The following ITFG1 variants were observed in gnomAD, a reference collection of about 807,000 sequenced individuals.
The protein encoded by ITFG1 is T-cell immunomodulatory protein.
Under a neutral mutation model 81.8 loss-of-function variants are expected in ITFG1, and 34 were observed. The ratio of observed to expected loss-of-function variants is 0.42; its 90% CI spans 0.32 to 0.55. ITFG1 has a LOEUF of 0.55. Ranked by LOEUF, ITFG1 falls within the 20% of genes least tolerant of loss-of-function variation. ITFG1 has a pLI of 0.17. For missense variants in ITFG1, 672 were observed against 755.4 expected, an observed-to-expected ratio of 0.89 and a Z score of 1.29; for synonymous variants, 285 against 270.6, an observed-to-expected ratio of 1.05 and a Z score of -0.52.
chr16:47,370,659 G>C (rs1596937195), intron 7 of ITFG1, among the ~76,000 whole-genome samples: 1 of 152,206 alleles, frequency 6.6e-6, no homozygotes, highest in Non-Finnish European at 1.5e-5. Flanking sequence ...CTTGCATGGA[G>C]TTGGCGCCTG....
intron 8 of ITFG1, among the ~76,000 whole-genome samples, chr16:47,331,582 T>C (rs1022114481): frequency 1.3e-5 from 2 of 152,212 alleles, no homozygotes; most frequent in African/African-American, 4.8e-5. Context: ...TAACTTCTGC[T>C]TATACTCTTC....
intron 14 of ITFG1, among the ~76,000 whole-genome samples, chr16:47,209,133 T>C (rs1028498893): frequency 2.6e-5 from 4 of 152,328 alleles, no homozygotes; most frequent in Middle Eastern, 3.4e-3. Context: ...GGTTCCCACC[T>C]ACTTTATTAC....
chr16:47,279,744 G>C (rs1034076176), intron 10 of ITFG1, among the ~76,000 whole-genome samples: 1 of 152,168 alleles, frequency 6.6e-6, no homozygotes, highest in African/African-American at 2.4e-5. Context: ...TGGATGTTGA[G>C]TCTTCCAGTG....
chr16:47,393,648 T>A (rs933649995), intron 6 of ITFG1, among the ~76,000 whole-genome samples: 9 of 152,002 alleles, frequency 5.9e-5, no homozygotes, highest in African/African-American at 1.9e-4. Context: ...TAAGAATCAC[T>A]TGAACTCAGG....
chr16:47,368,629 T>G (rs904287684), intron 7 of ITFG1, among the ~76,000 whole-genome samples: 2 of 148,082 alleles, frequency 1.4e-5, no homozygotes, highest in African/African-American at 5.0e-5. Flanking sequence ...GAATGTTTCA[T>G]GAATGAATGG....
At chr16:47,246,495 A>C (rs1027904773) in intron 12 of ITFG1, among the ~76,000 whole-genome samples, 1 of 152,178 alleles carries the variant, frequency 6.6e-6, no homozygotes, top group Non-Finnish European at 1.5e-5. Context: ...GCTGGTTCAT[A>C]ATATTGTTTA....
chr16:47,207,314 G>A (rs1048223899), intron 14 of ITFG1, among the ~76,000 whole-genome samples: 1 of 152,140 alleles, frequency 6.6e-6, no homozygotes, highest in Admixed American at 6.5e-5. Context: ...TCGATCTCCT[G>A]ACCTCGTGAT....
At chr16:47,238,231 CT>C (rs1596826772) in intron 12 of ITFG1, 1 of 423,394 alleles carries the variant, frequency 2.4e-6, no homozygotes, top group Non-Finnish European at 4.2e-6. Flanking sequence ...ATTTTGTGAA[CT>C]ATATAGGTGA....
intron 14 of ITFG1, among the ~76,000 whole-genome samples, chr16:47,207,122 G>A (rs1428180459): frequency 1.3e-5 from 2 of 151,850 alleles, no homozygotes; most frequent in Non-Finnish European, 2.9e-5. Context: ...TCGCTCTGTC[G>A]CCCAGGCTGG....
chr16:47,232,675 T>C (rs1965828862), intron 13 of ITFG1, among the ~76,000 whole-genome samples: 1 of 151,950 alleles, frequency 6.6e-6, no homozygotes, highest in Non-Finnish European at 1.5e-5. Context: ...ACAGTCTCAT[T>C]CTGTTGCCTA....
intron 10 of ITFG1, among the ~76,000 whole-genome samples, chr16:47,293,270 G>A (rs1966935779): frequency 6.7e-6 from 1 of 149,804 alleles, no homozygotes; most frequent in Non-Finnish European, 1.5e-5. Context: ...ATGAACTTAG[G>A]TTGATTACAT....
chr16:47,318,937 T>A (rs1183682136), intron 8 of ITFG1, among the ~76,000 whole-genome samples: 1 of 152,200 alleles, frequency 6.6e-6, no homozygotes, highest in African/African-American at 2.4e-5. Flanking sequence ...TATTATCCCA[T>A]CTATCGTCAA....
At chr16:47,437,828 G>A (rs548613163) in intron 5 of ITFG1, among the ~76,000 whole-genome samples, 1 of 152,356 alleles carries the variant, frequency 6.6e-6, no homozygotes, top group Non-Finnish European at 1.5e-5. Flanking sequence ...ACATCTCACT[G>A]GGGAATGCCG....
Position 47,460,850 on chromosome 16 carries a change from C to G in ITFG1, c.196G>C (p.Val66Leu). The change falls in exon 1 of 18, where the codon GTG (valine) becomes CTG (leucine). Residue 66 changes from valine to leucine, a missense_variant. Physicochemically the swap from Val to Leu is conservative, Grantham distance 32. Transcript: ENST00000320640. The stretch of plus-strand genomic sequence containing the variant: ...GGCAAGCACTGACTTTCCCGCAGCA[C>G]GAAGAGATCCGTCTGCTTGTCGGAG... ...LNSDKQTDLF[V>L]LRERNDLIVF... 3 of 1,613,458 alleles carry G rather than the reference C, an allele frequency of 1.9e-6. No individual in the cohort carries two copies. Among genetic ancestry groups the G allele is most frequent in the Non-Finnish European group, 2.5e-6 (3 of 1,179,922 alleles).
At chr16:47,349,166 T>A (rs1035470501) in intron 8 of ITFG1, among the ~76,000 whole-genome samples, 2 of 152,118 alleles carry the variant, frequency 1.3e-5, no homozygotes, top group African/African-American at 4.8e-5. Flanking sequence ...TGAGCAAAGT[T>A]ACCAGCTAAC....
chr16:47,437,899 G>A (rs1969189390), intron 5 of ITFG1, among the ~76,000 whole-genome samples: 1 of 152,258 alleles, frequency 6.6e-6, no homozygotes. Flanking sequence ...CCTCACCTGG[G>A]AAGCGCAAGG....
chr16:47,185,137 G>C (rs1445309905), intron 14 of ITFG1, among the ~76,000 whole-genome samples: 1 of 151,850 alleles, frequency 6.6e-6, no homozygotes, highest in African/African-American at 2.4e-5. Flanking sequence ...AGCAAGTCCT[G>C]AGTGACCTAC....
intron 5 of ITFG1, among the ~76,000 whole-genome samples, chr16:47,447,666 T>C (rs1026493688): frequency 6.6e-6 from 1 of 152,162 alleles, no homozygotes; most frequent in African/African-American, 2.4e-5. Flanking sequence ...GACCCCTCCA[T>C]CACATCTGGT....
intron 10 of ITFG1, among the ~76,000 whole-genome samples, chr16:47,298,476 A>AT (rs1190902445): frequency 5.4e-5 from 8 of 148,024 alleles, no homozygotes; most frequent in East Asian, 3.9e-4. Context: ...TTGGGGGGAA[A>AT]TTTTTTTTTT....
Sources: allele counts gnomAD v4.1 joint callset (sites outside exome capture counted in the v4.1 genomes callset), GRCh38; gene constraint gnomAD v4.1.1; transcripts MANE v1.5; gene names NCBI Gene and HGNC (gene_info 2026-07-23, HGNC 2026-07-21).